ANK3: variants seen among roughly 807,000 people sequenced by gnomAD.
ANK3 encodes ankyrin 3, also known as ankyrin-3.
Under a neutral mutation model 370.9 loss-of-function variants are expected in ANK3, and 57 were observed. The ratio of observed to expected loss-of-function variants is 0.15; its 90% CI spans 0.12 to 0.19. The LOEUF (loss-of-function observed/expected upper bound fraction) is 0.19. Among genes scored for constraint, ANK3 ranks in the 10% least tolerant of loss-of-function variants. The probability of loss-of-function intolerance (pLI) is 1.00; values close to 1 mark genes in which losing one functional copy is unlikely to be tolerated. For missense variants in ANK3, 4,439 were observed against 5,302.1 expected (o/e 0.84, Z 5.06); for synonymous variants, 1,929 against 1,946.3 (o/e 0.99, Z 0.23).
intron 4 of ANK3, among the ~76,000 whole-genome samples, chr10:60,277,748 C>A (rs1396441444): frequency 6.6e-6 from 1 of 152,186 alleles, no homozygotes; most frequent in Non-Finnish European, 1.5e-5. Context: ...TCCTTGACTT[C>A]AGGAAACTTA....
intron 2 of ANK3, among the ~76,000 whole-genome samples, chr10:60,539,537 T>C (rs1302656910): frequency 6.6e-6 from 1 of 151,998 alleles, no homozygotes; most frequent in African/African-American, 2.4e-5. Context: ...CCTAACTTGC[T>C]CACCCTATGT....
At chr10:60,288,294 C>G (rs1482096400) in intron 1 of ANK3, among the ~76,000 whole-genome samples, 1 of 152,184 alleles carries the variant, frequency 6.6e-6, no homozygotes, top group East Asian at 1.9e-4. Flanking sequence ...CCTTCTCGCT[C>G]TGGACTCCAA....
chr10:60,196,727 T>C, intron 14 of ANK3, 102 bp from the exon 15 acceptor site: 1 of 700,092 alleles, frequency 1.4e-6, no homozygotes. Flanking sequence ...AGATATGACA[T>C]AAGGGCACTG....
intron 41 of ANK3, among the ~76,000 whole-genome samples, chr10:60,056,285 G>A (rs12255801): frequency 0.24 from 37,121 of 151,924 alleles, 4,897 homozygotes; most frequent in African/African-American, 0.34. Context: ...CCTGGCCAAC[G>A]TGGCAAAACC....
At chr10:60,290,553 A>T (rs1002034944) in intron 1 of ANK3, among the ~76,000 whole-genome samples, 1 of 152,204 alleles carries the variant, frequency 6.6e-6, no homozygotes, top group African/African-American at 2.4e-5. Flanking sequence ...AGTAATAATC[A>T]CTGTCAAAAC....
At chr10:60,083,468 G>T (rs1220126261) in intron 33 of ANK3, 24 bp downstream of exon 33, 1 of 1,598,660 alleles carries the variant, frequency 6.3e-7, no homozygotes, top group African/African-American at 1.3e-5. Context: ...ATAATTCACA[G>T]ATTCTCTGTT....
chr10:60,049,166 C>T (rs559473865), intron 42 of ANK3, among the ~76,000 whole-genome samples: 1 of 152,168 alleles, frequency 6.6e-6, no homozygotes, highest in Non-Finnish European at 1.5e-5. Context: ...TTGGTTTTTC[C>T]ATCTCATATG....
chr10:60,235,497 C>A (rs760897698), intron 7 of ANK3, among the ~76,000 whole-genome samples: 12 of 151,152 alleles, frequency 7.9e-5, no homozygotes, highest in Non-Finnish European at 1.8e-4. Context: ...ATGATTATTT[C>A]CAGACTGTCA....
At chr10:60,418,333 C>T (rs189800472) in intron 2 of ANK3, among the ~76,000 whole-genome samples, 47 of 152,160 alleles carry the variant, frequency 3.1e-4, no homozygotes, top group Non-Finnish European at 3.2e-4. Context: ...TCCTATGTCT[C>T]GTTAGGTGGT....
chr10:60,124,212 C>T (rs12250925), intron 25 of ANK3, among the ~76,000 whole-genome samples: 1 of 152,144 alleles, frequency 6.6e-6, no homozygotes, highest in Non-Finnish European at 1.5e-5. Flanking sequence ...GGCTCAAGTG[C>T]AGTGGCGCTA....
At chr10:60,597,168 A>C (rs570882092) in intron 2 of ANK3, among the ~76,000 whole-genome samples, 29 of 152,298 alleles carry the variant, frequency 1.9e-4, no homozygotes, top group Middle Eastern at 3.4e-3. Context: ...AGACCAGGAG[A>C]CTACAAACCA....
intron 1 of ANK3, among the ~76,000 whole-genome samples, chr10:60,310,835 CA>C (rs1292621194): frequency 3.3e-5 from 5 of 152,198 alleles, no homozygotes; most frequent in Non-Finnish European, 7.3e-5. Flanking sequence ...CTCCTCTCTG[CA>C]ATGTCCTTTT....
chr10:60,094,369 G>T (rs1201797843), intron 28 of ANK3, among the ~76,000 whole-genome samples: 1 of 151,774 alleles, frequency 6.6e-6, no homozygotes, highest in African/African-American at 2.4e-5. Context: ...TGTATTTTTA[G>T]TAGAGATGGG....
At chr10:60,187,251 G>T (rs1565549388) in intron 16 of ANK3, among the ~76,000 whole-genome samples, 1 of 151,872 alleles carries the variant, frequency 6.6e-6, no homozygotes, top group Non-Finnish European at 1.5e-5. Flanking sequence ...CATCTCCCGG[G>T]TTCACGCCAT....
intron 2 of ANK3, among the ~76,000 whole-genome samples, chr10:60,441,753 G>T (rs1413454813): frequency 6.6e-6 from 1 of 152,112 alleles, no homozygotes; most frequent in African/African-American, 2.4e-5. Context: ...TTTCAGCGAA[G>T]CACCAGACAC....
At chr10:60,222,932 C>T (rs189687409) in intron 8 of ANK3, among the ~76,000 whole-genome samples, 179 of 152,152 alleles carry the variant, frequency 1.2e-3, no homozygotes, top group Non-Finnish European at 2.1e-3. Context: ...TTTTCTATAC[C>T]TCTTTTGGGG....
In ANK3 at chr10:60,656,701, T is replaced by C. The variant is rs567575840; in HGVS notation, c.58-41477A>G. Among the ~76,000 whole-genome samples, 10 of 152,330 alleles carry C rather than the reference T, an allele frequency of 6.6e-5. No individual in the cohort carries two copies. In the East Asian group the frequency reaches 1.9e-3, roughly 29 times the overall value. ...CTTCAGCTGTACCCTATACAACTTA[T>C]TTTTTACAAACATTGATATGTGGTA... On this transcript the variant is annotated intron_variant, in intron 1 of 43. Transcript: ENST00000373827.
At chr10:60,414,617 G>T (rs1040861222) in intron 2 of ANK3, among the ~76,000 whole-genome samples, 1 of 152,056 alleles carries the variant, frequency 6.6e-6, no homozygotes, top group East Asian at 1.9e-4. Flanking sequence ...GGAGGGGAAG[G>T]TTTAAATAAA....
chr10:60,580,081 T>C (rs2077730358), intron 2 of ANK3, among the ~76,000 whole-genome samples: 2 of 152,242 alleles, frequency 1.3e-5, no homozygotes, highest in African/African-American at 2.4e-5. Context: ...TTATGCTGTG[T>C]TTTAATTTGC....
Sources: allele counts gnomAD v4.1 joint callset (sites outside exome capture counted in the v4.1 genomes callset), GRCh38; gene constraint gnomAD v4.1.1; transcripts MANE v1.5; gene names NCBI Gene and HGNC (gene_info 2026-07-23, HGNC 2026-07-21).